PARD3B: variants seen among roughly 807,000 people sequenced by gnomAD.
PARD3B encodes par-3 family cell polarity regulator beta, also known as partitioning defective 3 homolog B.
Under a neutral mutation model 130.2 loss-of-function variants are expected in PARD3B, and 103 were observed. That is an observed-to-expected ratio of 0.79 (90% CI 0.67 to 0.93). PARD3B has a LOEUF of 0.93. Ranked by LOEUF, PARD3B falls within the 40% of genes least tolerant of loss-of-function variation. The pLI is 0.00. For missense variants in PARD3B, 1,609 were observed against 1,499.2 expected (o/e 1.07, Z -1.21); for synonymous variants, 583 against 553.2 (o/e 1.05, Z -0.76).
At chr2:204,588,834 C>G (rs1294355552) in intron 1 of PARD3B, among the ~76,000 whole-genome samples, 1 of 152,122 alleles carries the variant, frequency 6.6e-6, no homozygotes, top group Non-Finnish European at 1.5e-5. Flanking sequence ...ATGCAGAAGT[C>G]TCTAGGCTTA....
intron 11 of PARD3B, among the ~76,000 whole-genome samples, chr2:205,170,936 A>G (rs1237502105): frequency 4.6e-5 from 7 of 152,156 alleles, no homozygotes; most frequent in African/African-American, 1.7e-4. Context: ...AACAAAGGGA[A>G]TTGTCGTGGA....
intron 21 of PARD3B, among the ~76,000 whole-genome samples, chr2:205,532,072 G>A (rs2051622257): frequency 6.6e-6 from 1 of 152,160 alleles, no homozygotes; most frequent in Admixed American, 6.5e-5. Flanking sequence ...ATCTGCGAAT[G>A]CGCTGGCATA....
chr2:204,864,145 G>A (rs1011608193), intron 2 of PARD3B, among the ~76,000 whole-genome samples: 1 of 151,856 alleles, frequency 6.6e-6, no homozygotes, highest in Non-Finnish European at 1.5e-5. Flanking sequence ...AGTCACCATC[G>A]TCATTTGCCT....
At chr2:205,153,103 A>C (rs949464990) in intron 10 of PARD3B, among the ~76,000 whole-genome samples, 1 of 152,160 alleles carries the variant, frequency 6.6e-6, no homozygotes, top group Non-Finnish European at 1.5e-5. Flanking sequence ...CAGATCAGCA[A>C]ATATTGCAGA....
At chr2:205,161,577 G>A (rs562823689) in intron 11 of PARD3B, among the ~76,000 whole-genome samples, 20 of 152,140 alleles carry the variant, frequency 1.3e-4, no homozygotes, top group Admixed American at 4.6e-4. Flanking sequence ...GTTACGCCTC[G>A]GAAAATTGCC....
At chr2:205,364,395 A>G (rs2044520670) in intron 18 of PARD3B, among the ~76,000 whole-genome samples, 1 of 152,158 alleles carries the variant, frequency 6.6e-6, no homozygotes, top group African/African-American at 2.4e-5. Context: ...ACTCAAGCCT[A>G]GAAATTACAT....
intron 4 of PARD3B, among the ~76,000 whole-genome samples, chr2:205,059,552 A>G (rs1699940467): frequency 1.3e-5 from 2 of 151,976 alleles, no homozygotes; most frequent in South Asian, 4.2e-4. Context: ...AGAATTTACC[A>G]CTTCCCACTG....
At chr2:204,953,449 A>AGAGAGAGAGAGAGAGG (rs1553566395) in intron 2 of PARD3B, among the ~76,000 whole-genome samples, 30 of 150,060 alleles carry the variant, frequency 2.0e-4, no homozygotes, top group African/African-American at 7.1e-4. Flanking sequence ...AGAGAGAGAG[A>AGAGAGAGAGAGAGAGG]GAGAGAGAGA....
chr2:205,041,963 A>G (rs566043565), intron 3 of PARD3B, among the ~76,000 whole-genome samples: 21 of 152,238 alleles, frequency 1.4e-4, no homozygotes, highest in Admixed American at 5.2e-4. Flanking sequence ...TCCATCCCAA[A>G]CATATCCTCC....
intron 1 of PARD3B, among the ~76,000 whole-genome samples, chr2:204,595,054 ATGT>A (rs1414315295): frequency 6.6e-6 from 1 of 152,096 alleles, no homozygotes; most frequent in Admixed American, 6.5e-5. Flanking sequence ...AGCAAGTGTG[ATGT>A]TGTTTTGTAG....
At chr2:204,801,690 C>G (rs1049810351) in intron 2 of PARD3B, among the ~76,000 whole-genome samples, 1 of 152,092 alleles carries the variant, frequency 6.6e-6, no homozygotes, top group African/African-American at 2.4e-5. Context: ...ATTTGAATAC[C>G]CTTTATTTCT....
chr2:205,123,843 A>G (rs535616106), intron 8 of PARD3B, among the ~76,000 whole-genome samples: 1 of 152,068 alleles, frequency 6.6e-6, no homozygotes, highest in South Asian at 2.1e-4. Flanking sequence ...GAAATTGGAG[A>G]TGCAGGAGAA....
chr2:205,085,951 G>A (rs10207227), intron 4 of PARD3B, among the ~76,000 whole-genome samples: 14,575 of 152,144 alleles, frequency 0.096, 843 homozygotes, highest in Middle Eastern at 0.2. Context: ...TTTAAAATGT[G>A]CTCAGAATTG....
At chr2:204,856,749 T>C (rs1014603560) in intron 2 of PARD3B, among the ~76,000 whole-genome samples, 3 of 152,124 alleles carry the variant, frequency 2.0e-5, no homozygotes, top group African/African-American at 4.8e-5. Flanking sequence ...ATTTTTCTGC[T>C]TGTGAATATC....
At position 204,610,157 on chromosome 2, in the gene PARD3B, G is replaced by A. The variant is rs921495970; in HGVS notation, c.120+64038G>A. On this transcript the variant is annotated intron_variant, in intron 1 of 22. Transcript: ENST00000406610. The surrounding 1 kb of genome is among the most constrained non-coding windows in gnomAD (Gnocchi z 4.1). ...GGTTTGTCCCACCTCCCTTCCCATC[G>A]TGGCTGGAAATTCAGTTTTTCAGGT... Among the ~76,000 whole-genome samples, 2 of 152,060 alleles carry A rather than the reference G, an allele frequency of 1.3e-5. No homozygotes were observed. Among genetic ancestry groups the A allele is most frequent in the South Asian group, 2.1e-4 (1 of 4,824 alleles).
At chr2:204,553,035 A>G (rs2030579829) in intron 1 of PARD3B, among the ~76,000 whole-genome samples, 1 of 152,228 alleles carries the variant, frequency 6.6e-6, no homozygotes, top group African/African-American at 2.4e-5. Flanking sequence ...TCCAGAATCT[A>G]CAATGAACTC....
chr2:205,058,632 C>T (rs1046556038), intron 4 of PARD3B, among the ~76,000 whole-genome samples: 14 of 151,976 alleles, frequency 9.2e-5, no homozygotes, highest in Admixed American at 7.9e-4. Flanking sequence ...TAGTAATCAT[C>T]CTAATGACTG....
At chr2:205,237,744 C>T (rs576188086) in intron 15 of PARD3B, among the ~76,000 whole-genome samples, 204 of 152,002 alleles carry the variant, frequency 1.3e-3, no homozygotes, top group Middle Eastern at 3.4e-3. Flanking sequence ...TATATATAAC[C>T]GAGAGAAAGA....
intron 13 of PARD3B, among the ~76,000 whole-genome samples, chr2:205,185,429 A>G (rs144723779): frequency 4.3e-4 from 66 of 152,364 alleles, no homozygotes; most frequent in African/African-American, 1.3e-3. Context: ...ATTAAGGCAT[A>G]AAACAGATGA....
Sources: gnomAD v4.1 joint callset for allele counts (sites outside exome capture counted in the v4.1 genomes callset) on GRCh38, gnomAD v4.1.1 for gene constraint, Gnocchi (gnomAD v3.1) non-coding constraint, MANE v1.5 for transcripts, NCBI Gene and HGNC (gene_info 2026-07-23, HGNC 2026-07-21) for gene names.